Variants in RAB6A observed in about 807,000 individuals in gnomAD.
The protein encoded by RAB6A is ras-related protein Rab-6A.
RAB6A carries 8 observed loss-of-function variants against 32.3 expected under a neutral mutation model. The ratio of observed to expected loss-of-function variants is 0.25; its 90% CI spans 0.15 to 0.45. RAB6A has a LOEUF of 0.45. Among genes scored for constraint, RAB6A ranks in the 20% least tolerant of loss-of-function variants. The pLI, the probability that RAB6A is intolerant of heterozygous loss-of-function variation, is 1.00. For synonymous variants in RAB6A, 73 were observed against 82.1 expected, an observed-to-expected ratio of 0.89 and a Z score of 0.60; for missense variants, 104 against 249.4, an observed-to-expected ratio of 0.42 and a Z score of 3.93.
intron 1 of RAB6A, among the ~76,000 whole-genome samples, chr11:73,734,279 C>G (rs1273983293): frequency 6.6e-6 from 1 of 152,124 alleles, no homozygotes; most frequent in Non-Finnish European, 1.5e-5. Flanking sequence ...GCGCCCGCCA[C>G]CACGCCCAGC....
At chr11:73,692,894 G>C (rs1469519692) in intron 6 of RAB6A, among the ~76,000 whole-genome samples, 1 of 151,926 alleles carries the variant, frequency 6.6e-6, no homozygotes, top group Non-Finnish European at 1.5e-5. Flanking sequence ...CCAGGAGGTG[G>C]AGCTTGCAGT....
chr11:73,699,485 T>C (rs1032957940), intron 6 of RAB6A, among the ~76,000 whole-genome samples: 10 of 151,746 alleles, frequency 6.6e-5, no homozygotes, highest in Non-Finnish European at 1.5e-4. Flanking sequence ...AGTTTTCCCT[T>C]TTTTGCCAAG....
At chr11:73,700,532 C>T (rs1025603702) in intron 6 of RAB6A, among the ~76,000 whole-genome samples, 3 of 137,248 alleles carry the variant, frequency 2.2e-5, no homozygotes, top group East Asian at 2.1e-4. Flanking sequence ...TGCAGTGAGC[C>T]GTGTTCATAC....
intron 6 of RAB6A, among the ~76,000 whole-genome samples, chr11:73,704,811 A>T (rs1384749565): frequency 6.6e-6 from 1 of 151,854 alleles, no homozygotes; most frequent in African/African-American, 2.4e-5. Context: ...CCTGGTGAAC[A>T]CGGTGAAACC....
chr11:73,681,329 GA>G (rs1409780321), intron 6 of RAB6A, among the ~76,000 whole-genome samples: 5 of 152,172 alleles, frequency 3.3e-5, no homozygotes, highest in African/African-American at 1.2e-4. Context: ...TCAGGAGGCT[GA>G]AAAAAATCTT....
At chr11:73,741,488 C>A (rs574417492) in intron 1 of RAB6A, among the ~76,000 whole-genome samples, 3 of 151,884 alleles carry the variant, frequency 2.0e-5, no homozygotes, top group African/African-American at 7.2e-5. Flanking sequence ...TTGGTATTTA[C>A]CCAAAAGAGC....
At chr11:73,718,961 T>G in intron 3 of RAB6A, 1 of 1,397,852 alleles carries the variant, frequency 7.2e-7, no homozygotes, top group South Asian at 1.3e-5. Flanking sequence ...AGAAACAATG[T>G]TTTTTGTAAA....
At position 73,682,873 on chromosome 11, in the gene RAB6A, C is replaced by A. The variant is rs887830018; in HGVS notation, c.496-3153G>T. 2.6e-5 allele frequency among the ~76,000 whole-genome samples: 4 copies of A among 152,182 alleles called. No homozygotes were observed. The South Asian group carries it at 8.3e-4, about 32-fold the overall frequency. On this transcript the variant is annotated intron_variant, in intron 6 of 7. Transcript: ENST00000336083. ...AAAAGTTTAATAATATAAGGTTAGG[C>A]AATCCTGATCTTTTTTATGAGCATT...
intron 1 of RAB6A, among the ~76,000 whole-genome samples, chr11:73,755,572 C>T (rs1167287346): frequency 1.3e-5 from 2 of 152,138 alleles, no homozygotes; most frequent in African/African-American, 2.4e-5. Flanking sequence ...GGATTATAGG[C>T]GTGAGCCACC....
intron 1 of RAB6A, among the ~76,000 whole-genome samples, chr11:73,740,334 A>G (rs538442300): frequency 3.3e-5 from 5 of 152,304 alleles, no homozygotes; most frequent in Admixed American, 2.6e-4. Flanking sequence ...CCTGGTAACA[A>G]AGACAGTTGA....
chr11:73,689,676 C>G lies in RAB6A; in HGVS notation c.496-9956G>C, dbSNP rs1252408017. On this transcript the variant is annotated intron_variant, in intron 6 of 7. Transcript: ENST00000336083. ...CCTACAAGTTCCCCTCAACCCCCACCACCACTTTGGGTTGTCCTACCTTTC... is the reference window on the plus strand; with the variant it reads ...CCTACAAGTTCCCCTCAACCCCCACGACCACTTTGGGTTGTCCTACCTTTC... Among the ~76,000 whole-genome samples, 3 of 152,192 alleles carry G rather than the reference C, an allele frequency of 2.0e-5. No homozygotes were observed. In the South Asian group the frequency reaches 6.2e-4, roughly 31 times the overall value.
chr11:73,699,826 T>C (rs1413652298), intron 6 of RAB6A, among the ~76,000 whole-genome samples: 3 of 152,198 alleles, frequency 2.0e-5, no homozygotes, highest in Non-Finnish European at 4.4e-5. Flanking sequence ...ACACCTGCTA[T>C]AAGCCAACTG....
At chr11:73,696,771 ATT>A (rs565879166) in intron 6 of RAB6A, among the ~76,000 whole-genome samples, 1 of 142,112 alleles carries the variant, frequency 7.0e-6, no homozygotes. Context: ...CATGCCTAGA[ATT>A]TTTTTTTTTT....
chr11:73,687,358 C>T (rs1055442610), intron 6 of RAB6A, among the ~76,000 whole-genome samples: 9 of 152,234 alleles, frequency 5.9e-5, no homozygotes, highest in South Asian at 2.1e-4. Flanking sequence ...ATTTTGTCTA[C>T]GGAAAATGGA....
At chr11:73,748,922 C>CG (rs1565379806) in intron 1 of RAB6A, among the ~76,000 whole-genome samples, 10 of 151,948 alleles carry the variant, frequency 6.6e-5, no homozygotes, top group Non-Finnish European at 1.2e-4. Flanking sequence ...GTAAGGAGTT[C>CG]AAGACCAGCC....
intron 1 of RAB6A, among the ~76,000 whole-genome samples, chr11:73,755,173 C>A (rs996556207): frequency 6.6e-6 from 1 of 151,966 alleles, no homozygotes; most frequent in Non-Finnish European, 1.5e-5. Flanking sequence ...TCAAGTGATC[C>A]GCCCACCTCG....
At chr11:73,754,228 A>G (rs776604899) in intron 1 of RAB6A, among the ~76,000 whole-genome samples, 14 of 152,204 alleles carry the variant, frequency 9.2e-5, no homozygotes, top group Non-Finnish European at 2.1e-4. Context: ...CGCAGTTTTA[A>G]GGCTTCAGAA....
intron 2 of RAB6A, among the ~76,000 whole-genome samples, chr11:73,728,888 A>G (rs1304936762): frequency 6.6e-6 from 1 of 152,004 alleles, no homozygotes; most frequent in Non-Finnish European, 1.5e-5. Flanking sequence ...GTTTCATAGA[A>G]TTGACCAATG....
chr11:73,756,157 A>T (rs954774246), intron 1 of RAB6A, among the ~76,000 whole-genome samples: 3 of 152,092 alleles, frequency 2.0e-5, no homozygotes, highest in African/African-American at 7.2e-5. Flanking sequence ...CTTTGAGACC[A>T]GCCTGGGCAA....
Sources: allele counts gnomAD v4.1 joint callset (sites outside exome capture counted in the v4.1 genomes callset), GRCh38; gene constraint gnomAD v4.1.1; transcripts MANE v1.5; gene names NCBI Gene and HGNC (gene_info 2026-07-23, HGNC 2026-07-21).